Variants in MGAT5 observed in about 807,000 individuals in gnomAD.
MGAT5 encodes the protein alpha-1,6-mannosylglycoprotein 6-beta-N-acetylglucosaminyltransferase, also known as alpha-1,6-mannosylglycoprotein 6-beta-N-acetylglucosaminyltransferase A.
Under a neutral mutation model 94.3 loss-of-function variants are expected in MGAT5, and 30 were observed. The observed-to-expected ratio is 0.32, with a 90% CI of 0.24 to 0.43. The LOEUF is 0.43. Among genes scored for constraint, MGAT5 ranks in the 20% least tolerant of loss-of-function variants. MGAT5 has a pLI of 1.00. For missense variants in MGAT5, 691 were observed against 905.5 expected (o/e 0.76, Z 3.04); for synonymous variants, 310 against 322.9 (o/e 0.96, Z 0.43).
At position 134,318,701 on chromosome 2, in the gene MGAT5, G is replaced by A; in HGVS notation, c.535G>A (p.Asp179Asn). 6.2e-7 allele frequency: 1 copy of A among 1,613,596 alleles called. No homozygotes were observed. The highest frequency in any genetic ancestry group is 8.5e-7 in the Non-Finnish European group (1 of 1,179,588). Residue 179 changes from aspartate (D) to asparagine (N), a missense_variant, in exon 4 of 16, where the codon GAT becomes AAT. Physicochemically the swap from Asp to Asn is conservative, Grantham distance 23. Transcript: ENST00000281923. ...SDPCYADYGV[D>N]GSTCSFFIYL... is the part of the protein sequence containing the mutation. ...TCCCTGCTACGCAGACTATGGAGTG[G>A]ATGGATCCACCTGCTCTTTTTTTAT...
At chr2:134,240,804 T>C (rs1273557837) in intron 1 of MGAT5, among the ~76,000 whole-genome samples, 4 of 152,222 alleles carry the variant, frequency 2.6e-5, no homozygotes, top group Non-Finnish European at 5.9e-5. Context: ...TGTCTTTTAA[T>C]TTATTAGGAC....
chr2:134,140,613 A>G (rs547625172), intron 1 of MGAT5, among the ~76,000 whole-genome samples: 1 of 152,264 alleles, frequency 6.6e-6, no homozygotes, highest in African/African-American at 2.4e-5. Context: ...ACAAAGGTTA[A>G]TATAACACCT....
At chr2:134,405,327 A>C (rs941827551) in intron 11 of MGAT5, among the ~76,000 whole-genome samples, 1 of 152,212 alleles carries the variant, frequency 6.6e-6, no homozygotes, top group Non-Finnish European at 1.5e-5. Context: ...TGATCCCATT[A>C]CCTATTGCCT....
At chr2:134,178,663 C>T (rs921060960) in intron 1 of MGAT5, among the ~76,000 whole-genome samples, 3 of 152,136 alleles carry the variant, frequency 2.0e-5, no homozygotes, top group African/African-American at 4.8e-5. Context: ...AGGATTATAA[C>T]GTTGGTGCAA....
intron 10 of MGAT5, among the ~76,000 whole-genome samples, chr2:134,373,070 G>T (rs1225934692): frequency 6.6e-6 from 1 of 152,242 alleles, no homozygotes; most frequent in East Asian, 1.9e-4. Flanking sequence ...TTGCCTGGAG[G>T]CTTTTTACTA....
chr2:134,141,353 C>T (rs1209719051), intron 1 of MGAT5, among the ~76,000 whole-genome samples: 1 of 152,200 alleles, frequency 6.6e-6, no homozygotes, highest in African/African-American at 2.4e-5. Flanking sequence ...TTTTGTCTGC[C>T]TCCATTGATG....
chr2:134,228,143 G>C (rs1314712694), intron 1 of MGAT5, among the ~76,000 whole-genome samples: 1 of 152,170 alleles, frequency 6.6e-6, no homozygotes, highest in Non-Finnish European at 1.5e-5. Context: ...CAGCATTTGT[G>C]TGAGACCAGT....
At chr2:134,130,678 T>C (rs1289682766) in intron 1 of MGAT5, among the ~76,000 whole-genome samples, 1 of 143,388 alleles carries the variant, frequency 7.0e-6, no homozygotes, top group East Asian at 1.9e-4. Flanking sequence ...TAGCTAAAGG[T>C]TTGTAAATGC....
chr2:134,218,664 G>A (rs1021079172), intron 1 of MGAT5, among the ~76,000 whole-genome samples: 3 of 152,122 alleles, frequency 2.0e-5, no homozygotes, highest in Non-Finnish European at 4.4e-5. Flanking sequence ...GGAGGCCCAG[G>A]TTGGGACCTG....
chr2:134,189,483 T>C (rs1464579467), intron 1 of MGAT5, among the ~76,000 whole-genome samples: 2 of 152,218 alleles, frequency 1.3e-5, no homozygotes, highest in African/African-American at 4.8e-5. Flanking sequence ...GAAGGGCTTC[T>C]TGGGAGAAGT....
intron 1 of MGAT5, among the ~76,000 whole-genome samples, chr2:134,264,092 G>A (rs945510411): frequency 2.2e-5 from 3 of 138,656 alleles, no homozygotes; most frequent in Non-Finnish European, 3.0e-5. Context: ...GCACGATCTC[G>A]GCTCGCCGCA....
intron 1 of MGAT5, among the ~76,000 whole-genome samples, chr2:134,165,309 A>G (rs753305512): frequency 2.6e-5 from 4 of 152,166 alleles, no homozygotes; most frequent in Non-Finnish European, 5.9e-5. Context: ...GTGAGTGGAG[A>G]TTTAAGACAT....
intron 4 of MGAT5, among the ~76,000 whole-genome samples, chr2:134,324,547 G>C (rs1687532480): frequency 6.6e-6 from 1 of 152,124 alleles, no homozygotes; most frequent in Non-Finnish European, 1.5e-5. Context: ...AGGAAAGGTT[G>C]AAAGCTTAAA....
chr2:134,205,726 G>C (rs951469860), intron 1 of MGAT5, among the ~76,000 whole-genome samples: 5 of 152,170 alleles, frequency 3.3e-5, no homozygotes, highest in Non-Finnish European at 7.3e-5. Context: ...TGCAGTCGTG[G>C]GACAGGGTAC....
intron 2 of MGAT5, among the ~76,000 whole-genome samples, chr2:134,310,944 C>T (rs541519839): frequency 2.6e-5 from 4 of 152,330 alleles, no homozygotes; most frequent in East Asian, 1.9e-4. Context: ...GCCAGTGGCA[C>T]GCTCATTTGG....
In MGAT5 at chr2:134,216,077, C is replaced by T. The variant is rs565460209; in HGVS notation, c.-142-38185C>T. The stretch of plus-strand genomic sequence containing the variant: ...AAAGGCTGATGTGTTCCATTAGATT[C>T]CATCATCTCTCAGTGGTTCTGTAAG... On this transcript the variant is annotated intron_variant, in intron 1 of 16. Coordinates refer to the MGAT5 transcript ENST00000409645. Among the ~76,000 whole-genome samples, 6 of 152,262 alleles carry T rather than the reference C, an allele frequency of 3.9e-5. No individual in the cohort carries two copies. In the East Asian group the frequency reaches 1.2e-3, roughly 29 times the overall value.
At chr2:134,332,969 A>G (rs573143850) in intron 4 of MGAT5, among the ~76,000 whole-genome samples, 1 of 152,108 alleles carries the variant, frequency 6.6e-6, no homozygotes, top group Non-Finnish European at 1.5e-5. Flanking sequence ...AAATAGGAAC[A>G]CTTTTACACT....
At chr2:134,276,204 A>G (rs1573679118) in intron 2 of MGAT5, among the ~76,000 whole-genome samples, 1 of 84,940 alleles carries the variant, frequency 1.2e-5, no homozygotes, top group Non-Finnish European at 2.2e-5. Flanking sequence ...TAGCTTTGCC[A>G]CTGGTCTTGG....
chr2:134,440,391 C>A (rs980558703), intron 14 of MGAT5, among the ~76,000 whole-genome samples: 2 of 152,234 alleles, frequency 1.3e-5, no homozygotes, highest in South Asian at 4.1e-4. Context: ...CCTGTGTCTT[C>A]ATGGGTTTTC....
Sources: gnomAD v4.1 joint callset for allele counts (sites outside exome capture counted in the v4.1 genomes callset) on GRCh38, gnomAD v4.1.1 for gene constraint, MANE v1.5 for transcripts, NCBI Gene and HGNC (gene_info 2026-07-23, HGNC 2026-07-21) for gene names.